The following TMIGD2 variants were observed in gnomAD, a reference collection of about 807,000 sequenced individuals.
TMIGD2 encodes transmembrane and immunoglobulin domain-containing protein 2.
Under a neutral mutation model 22.6 loss-of-function variants are expected in TMIGD2, and 18 were observed. That is an observed-to-expected ratio of 0.80 (90% CI 0.55 to 1.18). The LOEUF is 1.18. TMIGD2 is among the 50% of genes most tolerant of loss of function. The pLI is 0.00. For missense variants in TMIGD2, 361 were observed against 378.2 expected (o/e 0.95, Z 0.38); for synonymous variants, 184 against 154.1 (o/e 1.19, Z -1.44).
intron 2 of TMIGD2, among the ~76,000 whole-genome samples, chr19:4,295,343 A>C (rs958280535): frequency 6.6e-6 from 1 of 150,572 alleles, no homozygotes; most frequent in Non-Finnish European, 1.5e-5. Context: ...GGCGGATCAC[A>C]AGGTCAGGCG....
intron 4 of TMIGD2, among the ~76,000 whole-genome samples, chr19:4,293,576 T>A (rs1472768136): frequency 2.7e-5 from 4 of 150,170 alleles, no homozygotes; most frequent in Non-Finnish European, 3.0e-5. Flanking sequence ...TTTTTTTTTT[T>A]AATTTCAAAC....
chr19:4,298,046 C>G, exon 2 of TMIGD2: 1 of 1,613,234 alleles, frequency 6.2e-7, no homozygotes, highest in South Asian at 1.1e-5. Context: ...GGAATCTCTA[C>G]GGCCGCCCAG....
At chr19:4,298,458 C>T (rs994230262) in intron 1 of TMIGD2, 113 bp from the exon 2 acceptor site, 26 of 1,419,218 alleles carry the variant, frequency 1.8e-5, no homozygotes, top group African/African-American at 7.2e-5. Flanking sequence ...TTGTCTAAGA[C>T]GGGTGCAGTG....
chr19:4,292,302 G>T (rs1294848526), exon 5 of TMIGD2: 1 of 381,640 alleles, frequency 2.6e-6, no homozygotes, highest in Non-Finnish European at 4.8e-6. Context: ...CAGAAATGAG[G>T]ACGGGGTCTC....
In TMIGD2 at chr19:4,297,097, GAC is replaced by G. The variant is rs1376631333; in HGVS notation, c.406+887_406+888del. ...GGCTTTTTTTTTTTTTTTTTTTTGA[GAC>G]AGAGTCTTGCTCTGTAGCCCAGGCT... On this transcript the variant is annotated intron_variant, in intron 2 of 4. Coordinates refer to ENST00000301272, the Ensembl canonical transcript of TMIGD2. Among the ~76,000 whole-genome samples the G allele has an allele frequency of 4.5e-5, 4 of 89,404 alleles. No individual in the cohort carries two copies. In the East Asian group the frequency reaches 1.4e-3, roughly 31 times the overall value. The allele number at this position is 89,404 out of a possible 152,430, so 58.7% of individuals were successfully genotyped here.
chr19:4,300,511 C>T (rs539403920), intron 1 of TMIGD2, among the ~76,000 whole-genome samples: 12 of 152,092 alleles, frequency 7.9e-5, no homozygotes, highest in South Asian at 2.1e-4. Flanking sequence ...GAGCTGAGAT[C>T]GCGCCACTGC....
rs748531620 is a variant in TMIGD2, at chr19:4,298,361, G to A, written c.47-16C>T. ...TCTTGCAGGGCTGGAGGACAGAAGA[G>A]GTAGAGGCGACCTTTCTGACTGTGC... On this transcript the variant is annotated splice_polypyrimidine_tract_variant and intron_variant, in intron 1 of 4. Coordinates refer to ENST00000301272, the Ensembl canonical transcript of TMIGD2. The A allele has an allele frequency of 2.6e-6, 4 of 1,542,240 alleles. No homozygotes were observed. The Admixed American group carries it at 5.6e-5, about 22-fold the overall frequency.
In TMIGD2 at chr19:4,295,193, G is replaced by A. The variant is rs577698011; in HGVS notation, c.407-377C>T. Among the ~76,000 whole-genome samples, 6 of 150,064 alleles carry A rather than the reference G, an allele frequency of 4.0e-5. No individual in the cohort carries two copies. The East Asian group carries it at 1.2e-3, about 30-fold the overall frequency. On this transcript the variant is annotated intron_variant, in intron 2 of 4. Coordinates refer to ENST00000301272, the Ensembl canonical transcript of TMIGD2. ...GGAGAATCGCTTGAATCCAGGAGGG[G>A]GAGGTTGCAGTGAGCCGAGATCGTG...
chr19:4,295,216 G>C (rs563314468), intron 2 of TMIGD2, among the ~76,000 whole-genome samples: 1 of 143,828 alleles, frequency 7.0e-6, no homozygotes, highest in African/African-American at 2.6e-5. Context: ...AGCCGAGATC[G>C]TGTCACTACG....
At chr19:4,294,624 C>T (rs1464416276) in exon 4 of TMIGD2, 1 of 1,609,430 alleles carries the variant, frequency 6.2e-7, no homozygotes, top group Non-Finnish European at 8.5e-7. Flanking sequence ...AACCAGGCAC[C>T]CCACACGATC....
At chr19:4,301,163 G>C (rs1435805441) in intron 1 of TMIGD2, among the ~76,000 whole-genome samples, 2 of 152,030 alleles carry the variant, frequency 1.3e-5, no homozygotes, top group Non-Finnish European at 2.9e-5. Flanking sequence ...GGTAGAGATG[G>C]GGTTTCACCA....
chr19:4,296,630 T>C (rs2144735078), intron 2 of TMIGD2, among the ~76,000 whole-genome samples: 1 of 152,248 alleles, frequency 6.6e-6, no homozygotes, highest in East Asian at 1.9e-4. Flanking sequence ...CTCTAATTGC[T>C]AATTGGCCCC....
chr19:4,294,538 C>G, intron 4 of TMIGD2, 41 bp downstream of exon 4: 1 of 1,596,032 alleles, frequency 6.3e-7, no homozygotes. Flanking sequence ...AGCTGCAGTT[C>G]CCACCTCCTC....
intron 2 of TMIGD2, among the ~76,000 whole-genome samples, chr19:4,296,764 G>A (rs1156482003): frequency 6.6e-6 from 1 of 152,204 alleles, no homozygotes; most frequent in Non-Finnish European, 1.5e-5. Context: ...GGCATCTCTA[G>A]GGGCTGAGAG....
intron 4 of TMIGD2, among the ~76,000 whole-genome samples, chr19:4,293,659 A>C (rs1166058098): frequency 6.8e-6 from 1 of 147,544 alleles, no homozygotes; most frequent in Non-Finnish European, 1.5e-5. Context: ...TACAGTGGGG[A>C]AACTATAGCT....
chr19:4,292,786 A>G, exon 5 of TMIGD2: 1 of 1,611,624 alleles, frequency 6.2e-7, no homozygotes, highest in Non-Finnish European at 8.5e-7. Context: ...GGTTGAATAA[A>G]TGCTCTGGCC....
intron 1 of TMIGD2, among the ~76,000 whole-genome samples, chr19:4,301,396 C>A (rs893816616): frequency 6.6e-6 from 1 of 152,088 alleles, no homozygotes; most frequent in Non-Finnish European, 1.5e-5. Flanking sequence ...TGACTGGGCA[C>A]GGTGGCTCAC....
chr19:4,297,019 G>A (rs193260731), intron 2 of TMIGD2, among the ~76,000 whole-genome samples: 12 of 150,930 alleles, frequency 8.0e-5, no homozygotes, highest in African/African-American at 2.7e-4. Flanking sequence ...GGCAGCTGGC[G>A]TTGCTGACCT....
chr19:4,295,056 T>C (rs1456271391), intron 2 of TMIGD2, among the ~76,000 whole-genome samples: 1 of 148,896 alleles, frequency 6.7e-6, no homozygotes, highest in Non-Finnish European at 1.5e-5. Context: ...AGGTCAGGAG[T>C]TCGAGACCAG....
Sources: allele counts gnomAD v4.1 joint callset (sites outside exome capture counted in the v4.1 genomes callset), GRCh38; gene constraint gnomAD v4.1.1; transcripts MANE v1.5; gene names NCBI Gene and HGNC (gene_info 2026-07-23, HGNC 2026-07-21).